SVEP1: variants seen among roughly 807,000 people sequenced by gnomAD.
SVEP1 encodes the protein sushi, von Willebrand factor type A, EGF and pentraxin domain-containing protein 1.
Under a neutral mutation model 367.3 loss-of-function variants are expected in SVEP1, and 164 were observed. The ratio of observed to expected loss-of-function variants is 0.45; its 90% confidence interval spans 0.39 to 0.51. The LOEUF is 0.51. Ranked by LOEUF, SVEP1 falls within the 20% of genes least tolerant of loss-of-function variation. The pLI is 0.00. For synonymous variants in SVEP1, 1,666 were observed against 1,611.6 expected, an observed-to-expected ratio of 1.03 and a Z score of -0.81; for missense variants, 4,117 against 4,425.3, an observed-to-expected ratio of 0.93 and a Z score of 1.98.
chr9:110,406,245 G>T lies in SVEP1; in HGVS notation c.9355C>A (p.Pro3119Thr). ...GACGGTGGGGACCCACAGGACAAGG[G>T]CTCACAGACTGGATAAGGCTGGCTC... ...VWSQPYPVCE[P>T]LSCGSPPSVA... The change falls in exon 38 of 48, where the codon CCC becomes ACC. Residue 3119 changes from proline (P) to threonine (T), a missense_variant. This residue lies in a region of SVEP1 where 1,765 missense variants were observed against 1,781.1 expected (regional missense o/e 0.99). Transcript: ENST00000374469. The T allele has an allele frequency of 6.2e-7, 1 of 1,613,838 alleles. No homozygotes were observed. The highest frequency in any genetic ancestry group is 8.5e-7 in the Non-Finnish European group (1 of 1,179,798).
chr9:110,575,606 C>A (rs1365470630), intron 1 of SVEP1, among the ~76,000 whole-genome samples: 2 of 152,058 alleles, frequency 1.3e-5, no homozygotes, highest in Non-Finnish European at 2.9e-5. Flanking sequence ...AGCCTTTAAA[C>A]CTTCATAAGC....
chr9:110,415,445 A>G (rs1828105486), intron 36 of SVEP1, among the ~76,000 whole-genome samples: 1 of 152,054 alleles, frequency 6.6e-6, no homozygotes, highest in South Asian at 2.1e-4. Context: ...GGGAGGAGAC[A>G]GTTAAGAGGG....
At position 110,434,519 on chromosome 9, in the gene SVEP1, A is replaced by G. The variant is rs754620385; in HGVS notation, c.4889-13T>C. 1 of 1,611,996 alleles carries G rather than the reference A, an allele frequency of 6.2e-7. No homozygotes were observed. The highest frequency in any genetic ancestry group is 8.5e-7 in the Non-Finnish European group (1 of 1,179,272). On this transcript the variant is annotated splice_polypyrimidine_tract_variant and intron_variant, in intron 29 of 47. Coordinates refer to ENST00000374469, the MANE Select transcript of SVEP1 (RefSeq NM_153366.4). ...AAGCGTGGGCAATCTGAGGGCAAAGAACACAGGTGCAGAGCTTGTCAGCGG... is the reference window on the plus strand; with the variant it reads ...AAGCGTGGGCAATCTGAGGGCAAAGGACACAGGTGCAGAGCTTGTCAGCGG...
intron 1 of SVEP1, among the ~76,000 whole-genome samples, chr9:110,569,094 A>G (rs1830524886): frequency 6.6e-6 from 1 of 152,116 alleles, no homozygotes; most frequent in African/African-American, 2.4e-5. Flanking sequence ...CCCTGTCTCA[A>G]AAAAATAAAT....
intron 5 of SVEP1, among the ~76,000 whole-genome samples, chr9:110,510,778 G>C (rs955109352): frequency 2.6e-5 from 4 of 152,218 alleles, no homozygotes; most frequent in Non-Finnish European, 5.9e-5. Flanking sequence ...CTACCGTAAG[G>C]TATTTGGAAG....
chr9:110,510,355 T>C (rs1293719258), intron 5 of SVEP1, among the ~76,000 whole-genome samples: 3 of 152,202 alleles, frequency 2.0e-5, no homozygotes, highest in Non-Finnish European at 4.4e-5. Context: ...TAAGCTCTAT[T>C]CCCTGAAATA....
intron 3 of SVEP1, among the ~76,000 whole-genome samples, chr9:110,519,571 G>A (rs191294074): frequency 6.6e-6 from 1 of 152,268 alleles, no homozygotes; most frequent in Admixed American, 6.5e-5. Flanking sequence ...GTAACACACA[G>A]GTTTCTCATT....
intron 1 of SVEP1, among the ~76,000 whole-genome samples, chr9:110,563,347 AATT>A (rs755682394): frequency 1.6e-4 from 24 of 152,326 alleles, no homozygotes; most frequent in Admixed American, 8.5e-4. Flanking sequence ...CAAAAACTGT[AATT>A]ATTATTATGT....
chr9:110,463,240 C>G (rs973845868), intron 18 of SVEP1, among the ~76,000 whole-genome samples: 6 of 151,740 alleles, frequency 4.0e-5, no homozygotes, highest in East Asian at 1.9e-4. Flanking sequence ...ACAACAAGTA[C>G]CTGTCGAACT....
intron 43 of SVEP1, among the ~76,000 whole-genome samples, chr9:110,385,636 T>G (rs1827509652): frequency 6.6e-6 from 1 of 152,214 alleles, no homozygotes; most frequent in Non-Finnish European, 1.5e-5. Flanking sequence ...TATTTTGAAT[T>G]TAATACCTTG....
Position 110,387,302 on chromosome 9 carries a change from G to A in SVEP1, c.10043C>T (p.Pro3348Leu). Residue 3348 changes from proline (P) to leucine (L), a missense_variant, in exon 42 of 48, where the codon CCA becomes CTA. By Grantham distance (98) the Pro-to-Leu change is moderately conservative (BLOSUM62 -3). Around this residue, in one of 4 missense-constraint regions of SVEP1, gnomAD observed 1,765 missense variants for 1,781.1 expected, o/e 0.99. Transcript: ENST00000374469. ...HCTENGTWSHPVPLCKPNPCP... is the reference protein window; with the variant it reads ...HCTENGTWSHLVPLCKPNPCP... ...ACACACACGTTTGCAGAGAGGGACT[G>A]GGTGGCTCCAGGTTCCATTTTCTGT... The A allele has an allele frequency of 6.9e-6, 11 of 1,600,138 alleles. No individual in the cohort carries two copies. The highest frequency in any genetic ancestry group is 9.3e-6 in the Non-Finnish European group (11 of 1,176,560).
chr9:110,534,473 G>A (rs548562335), intron 3 of SVEP1, among the ~76,000 whole-genome samples: 183 of 152,240 alleles, frequency 1.2e-3, no homozygotes, highest in African/African-American at 4.1e-3. Context: ...TATGAATAGC[G>A]CTGCAATAAA....
At chr9:110,461,515 T>G (rs1031737567) in intron 18 of SVEP1, among the ~76,000 whole-genome samples, 6 of 152,164 alleles carry the variant, frequency 3.9e-5, no homozygotes, top group Non-Finnish European at 7.4e-5. Context: ...TAATTAGTAG[T>G]ACGGTTGAAA....
intron 1 of SVEP1, among the ~76,000 whole-genome samples, chr9:110,555,528 A>G (rs1323577348): frequency 6.6e-6 from 1 of 152,226 alleles, no homozygotes; most frequent in Non-Finnish European, 1.5e-5. Context: ...GCTCCTGTCA[A>G]TAACATTCTT....
At chr9:110,371,309 A>C (rs549407091) in intron 46 of SVEP1, among the ~76,000 whole-genome samples, 2 of 152,336 alleles carry the variant, frequency 1.3e-5, no homozygotes, top group African/African-American at 4.8e-5. Context: ...GCCTGACTGC[A>C]CTAACAAACT....
chr9:110,392,158 T>TATATATATATATA (rs1554710916), intron 40 of SVEP1, among the ~76,000 whole-genome samples: 4 of 148,566 alleles, frequency 2.7e-5, no homozygotes, highest in African/African-American at 5.0e-5. Flanking sequence ...TATATATCTC[T>TATATATATATATA]TCTCTCTCTC....
intron 3 of SVEP1, among the ~76,000 whole-genome samples, chr9:110,537,580 G>C (rs1044319725): frequency 6.6e-6 from 1 of 151,850 alleles, no homozygotes; most frequent in Admixed American, 6.6e-5. Context: ...CATTAGAATA[G>C]AATTATGTAG....
intron 1 of SVEP1, among the ~76,000 whole-genome samples, chr9:110,572,860 ATTG>A (rs968156793): frequency 2.7e-5 from 4 of 149,890 alleles, no homozygotes; most frequent in African/African-American, 9.8e-5. Flanking sequence ...GAGGTCTGGA[ATTG>A]TTGTACGTAC....
chr9:110,443,113 TG>T (rs1828538831), intron 27 of SVEP1: 1 of 153,492 alleles, frequency 6.5e-6, no homozygotes, highest in African/African-American at 2.4e-5. Context: ...CTAAAACTCC[TG>T]GGATATTTAT....
Sources: allele counts gnomAD v4.1 joint callset (sites outside exome capture counted in the v4.1 genomes callset), GRCh38; gene constraint gnomAD v4.1.1; regional missense constraint gnomAD v4.1.1; transcripts MANE v1.5; gene names NCBI Gene and HGNC (gene_info 2026-07-23, HGNC 2026-07-21).